ATP7A: variants seen among roughly 807,000 people sequenced by gnomAD.
ATP7A encodes the protein ATPase copper transporting alpha.
In ATP7A, 7 loss-of-function variants were observed where a neutral mutation model predicts 83.5. The observed-to-expected ratio is 0.08, with a 90% CI of 0.05 to 0.16. ATP7A has a LOEUF of 0.16. ATP7A is among the 10% of genes least tolerant of loss of function. The probability of loss-of-function intolerance (pLI) is 1.00; values close to 1 mark genes in which losing one functional copy is unlikely to be tolerated. For synonymous variants in ATP7A, 354 were observed against 395.2 expected (o/e 0.90, Z 1.24); for missense variants, 940 against 1,120.8 (o/e 0.84, Z 2.30).
intron 1 of ATP7A, among the ~76,000 whole-genome samples, chrX:77,937,652 A>G (rs1002738022): frequency 1.8e-5 from 2 of 111,990 alleles, no homozygotes; most frequent in Non-Finnish European, 3.8e-5. Context: ...GATTAATCTT[A>G]AAATGCATTT....
In ATP7A at chrX:78,019,793, T is replaced by C. The variant is rs1557235542; in HGVS notation, c.2627-451T>C. Among the ~76,000 whole-genome samples, 4 of 110,531 alleles carry C rather than the reference T, an allele frequency of 3.6e-5. No homozygotes were observed. In the Admixed American group the frequency reaches 3.9e-4, roughly 11 times the overall value. ...TGTGTGTTTCTCAATAGGGGTGCTATTGCCAGTTTGGATGGGGCAATTCTT... is the reference window on the plus strand; with the variant it reads ...TGTGTGTTTCTCAATAGGGGTGCTACTGCCAGTTTGGATGGGGCAATTCTT... On this transcript the variant is annotated intron_variant, in intron 12 of 22. Coordinates refer to ENST00000341514, the MANE Select transcript of ATP7A (RefSeq NM_000052.7).
At chrX:77,922,281 G>A (rs782029009) in intron 1 of ATP7A, among the ~76,000 whole-genome samples, 3 of 111,390 alleles carry the variant, frequency 2.7e-5, no homozygotes, top group Admixed American at 1.9e-4. Context: ...CAGGCAGGAG[G>A]GTTGCTTGAG....
At chrX:77,986,908 A>G (rs935965494) in intron 2 of ATP7A, among the ~76,000 whole-genome samples, 9 of 111,739 alleles carry the variant, frequency 8.1e-5, no homozygotes. Flanking sequence ...TAACTTTTCC[A>G]TGGCTTCCTA....
intron 14 of ATP7A, among the ~76,000 whole-genome samples, chrX:78,025,759 G>A (rs782532767): frequency 1.1e-4 from 12 of 110,752 alleles, no homozygotes; most frequent in African/African-American, 3.6e-4. Flanking sequence ...GTTACAAGCT[G>A]GAAGTGATTG....
At chrX:77,996,343 G>T (rs970980560) in intron 4 of ATP7A, among the ~76,000 whole-genome samples, 15 of 111,972 alleles carry the variant, frequency 1.3e-4, no homozygotes. Context: ...CATCGGTTTT[G>T]AGTATCAGAC....
At chrX:77,931,009 C>CTTTTTTTTTTTTTTT (rs11379657) in intron 1 of ATP7A, among the ~76,000 whole-genome samples, 15 of 67,237 alleles carry the variant, frequency 2.2e-4, no homozygotes, top group Non-Finnish European at 2.9e-4. Context: ...TTTTTTTTAC[C>CTTTTTTTTTTTTTTT]TTTTTTTTTA....
intron 1 of ATP7A, among the ~76,000 whole-genome samples, chrX:77,926,886 A>C (rs2077244470): frequency 9.1e-6 from 1 of 110,370 alleles, no homozygotes; most frequent in African/African-American, 3.3e-5. Flanking sequence ...TGTTTTCAGT[A>C]GAGACGGGGT....
At chrX:77,974,626 ATTAAG>A (rs1486437881) in intron 2 of ATP7A, 16 of 284,397 alleles carry the variant, frequency 5.6e-5, no homozygotes, top group African/African-American at 3.6e-4. Flanking sequence ...TATCAGATTA[ATTAAG>A]TTATTTCTAT....
At chrX:77,980,764 G>A (rs143654912) in intron 2 of ATP7A, among the ~76,000 whole-genome samples, 6,098 of 110,950 alleles carry the variant, frequency 0.055, 232 homozygotes, top group East Asian at 0.3. Flanking sequence ...CGCCACCCGG[G>A]TTCAACTGAT....
intron 1 of ATP7A, among the ~76,000 whole-genome samples, chrX:77,949,549 A>G (rs1392533379): frequency 8.9e-6 from 1 of 111,953 alleles, no homozygotes; most frequent in African/African-American, 3.2e-5. Context: ...TCACTTGGCC[A>G]TGAGAAGTTC....
chrX:77,957,599 T>G (rs1237416697), intron 1 of ATP7A, among the ~76,000 whole-genome samples: 1 of 109,892 alleles, frequency 9.1e-6, no homozygotes, highest in Non-Finnish European at 1.9e-5. Context: ...CTTTACTTTG[T>G]TAATTGTTTC....
chrX:78,016,147 G>C (rs2077861854), intron 12 of ATP7A, among the ~76,000 whole-genome samples: 1 of 111,205 alleles, frequency 9.0e-6, no homozygotes, highest in South Asian at 3.8e-4. Flanking sequence ...GCATGTCTGG[G>C]GAGGCCTCAG....
chrX:78,043,227 ACGTAAT>A (rs2078061183), intron 20 of ATP7A, 84 bp from the exon 21 acceptor site: 1 of 639,659 alleles, frequency 1.6e-6, no homozygotes, highest in Non-Finnish European at 2.6e-6. Context: ...CCTAAGGTAG[ACGTAAT>A]CTTCAACATA....
chrX:78,019,165 T>C (rs782556676), intron 12 of ATP7A, among the ~76,000 whole-genome samples: 10 of 112,205 alleles, frequency 8.9e-5, no homozygotes, highest in Non-Finnish European at 1.5e-4. Flanking sequence ...CTCAGTTTCC[T>C]GTAGACTTGA....
In ATP7A at chrX:78,046,449, G is replaced by C. The variant is rs1475264020; in HGVS notation, c.4382G>C (p.Arg1461Thr). 5 of 1,209,405 alleles carry C rather than the reference G, an allele frequency of 4.1e-6. No individual in the cohort carries two copies. The African/African-American group carries it at 8.8e-5, about 21-fold the overall frequency. ...CTGGACCGGATTGTTAATTATAGCA[G>C]AGCCTCTATAAACTCACTACTGTCT... ...GLLDRIVNYS[R>T]ASINSLLSDK... The change falls in exon 23 of 23, where the codon AGA (arginine) becomes ACA (threonine). Residue 1461 changes from arginine to threonine, a missense_variant. Arg to Thr is a moderately conservative substitution (Grantham distance 71, BLOSUM62 -1). Coordinates refer to ENST00000341514, the MANE Select transcript of ATP7A (RefSeq NM_000052.7).
intron 1 of ATP7A, among the ~76,000 whole-genome samples, chrX:77,911,668 G>A (rs1557221943): frequency 9.1e-6 from 1 of 110,377 alleles, no homozygotes; most frequent in African/African-American, 3.3e-5. Context: ...TAGGCTGGGC[G>A]CAGTGTCTGA....
chrX:77,941,479 T>C (rs1557225643), intron 1 of ATP7A, among the ~76,000 whole-genome samples: 2 of 111,300 alleles, frequency 1.8e-5, no homozygotes, highest in South Asian at 7.5e-4. Flanking sequence ...TGGCCTCAAG[T>C]GATCCTTGGC....
chrX:77,918,731 C>G (rs1473036930), intron 1 of ATP7A, among the ~76,000 whole-genome samples: 1 of 111,428 alleles, frequency 9.0e-6, no homozygotes, highest in Non-Finnish European at 1.9e-5. Flanking sequence ...TCATCCATGG[C>G]TGTTGCATTG....
intron 1 of ATP7A, among the ~76,000 whole-genome samples, chrX:77,931,009 C>CTTTTTTTTTTTTTTTTTTTTTTTTTTCT (rs11379657): frequency 1.5e-5 from 1 of 67,265 alleles, no homozygotes; most frequent in East Asian, 4.8e-4. Context: ...TTTTTTTTAC[C>CTTTTTTTTTTTTTTTTTTTTTTTTTTCT]TTTTTTTTTA....
Sources: gnomAD v4.1 joint callset for allele counts (sites outside exome capture counted in the v4.1 genomes callset) on GRCh38, gnomAD v4.1.1 for gene constraint, MANE v1.5 for transcripts, NCBI Gene and HGNC (gene_info 2026-07-23, HGNC 2026-07-21) for gene names.